CDH23: variants seen among roughly 807,000 people sequenced by gnomAD.
CDH23 encodes cadherin-23.
In CDH23, 189 loss-of-function variants were observed where a neutral mutation model predicts 317.1. The observed-to-expected ratio is 0.60, with a 90% CI of 0.53 to 0.67. The LOEUF (loss-of-function observed/expected upper bound fraction) is 0.67. CDH23 is among the 30% of genes least tolerant of loss of function. CDH23 has a pLI of 0.00. For synonymous variants in CDH23, 1,839 were observed against 1,876.8 expected (o/e 0.98, Z 0.52); for missense variants, 4,401 against 4,592.4 (o/e 0.96, Z 1.20).
At chr10:71,427,250 A>AGAAAGAAAGAAAGAAAGG (rs1564573036) in intron 1 of CDH23, among the ~76,000 whole-genome samples, 41 of 140,312 alleles carry the variant, frequency 2.9e-4, no homozygotes, top group African/African-American at 1.1e-3. Flanking sequence ...AGAAAGGGAA[A>AGAAAGAAAGAAAGAAAGG]GAAAGAAAGA....
intron 3 of CDH23, among the ~76,000 whole-genome samples, chr10:71,507,912 G>C (rs1256076742): frequency 6.6e-6 from 1 of 152,190 alleles, no homozygotes; most frequent in Non-Finnish European, 1.5e-5. Context: ...TGCCTTTGTG[G>C]CTCACCATTG....
At chr10:71,748,094 C>G (rs1839897448) in intron 38 of CDH23, 1 of 152,138 alleles carries the variant, frequency 6.6e-6, no homozygotes, top group East Asian at 1.9e-4. Flanking sequence ...GCCCCCAGCA[C>G]AGTCAGGCCA....
intron 53 of CDH23, among the ~76,000 whole-genome samples, chr10:71,802,590 G>A (rs1179673409): frequency 2.0e-5 from 3 of 152,190 alleles, no homozygotes; most frequent in Non-Finnish European, 4.4e-5. Flanking sequence ...AGTAGGAGGT[G>A]TGAGGGGATA....
chr10:71,810,627 T>TACTCCAGGGCAG, intron 62 of CDH23, 58 bp downstream of exon 62: 1 of 1,503,898 alleles, frequency 6.6e-7, no homozygotes, highest in Non-Finnish European at 9.2e-7. Context: ...CTCCCTGCCC[T>TACTCCAGGGCAG]GGAGTAGGGG....
chr10:71,739,613 G>A (rs1839679488), intron 35 of CDH23, 31 bp from the exon 36 acceptor site: 3 of 1,607,534 alleles, frequency 1.9e-6, no homozygotes, highest in Non-Finnish European at 2.5e-6. Context: ...CTCCACACCT[G>A]CTCACCCCTC....
intron 7 of CDH23, among the ~76,000 whole-genome samples, chr10:71,568,070 T>A (rs1857511964): frequency 6.6e-6 from 1 of 152,156 alleles, no homozygotes; most frequent in African/African-American, 2.4e-5. Context: ...CCCCCAGACT[T>A]GGCCAAGATG....
intron 28 of CDH23, among the ~76,000 whole-genome samples, chr10:71,718,383 C>T (rs372972033): frequency 6.6e-6 from 1 of 152,362 alleles, no homozygotes; most frequent in East Asian, 1.9e-4. Context: ...CCACCCCTCC[C>T]AGCACTTCCA....
At position 71,704,412 on chromosome 10, in the gene CDH23, G is replaced by A. The variant is rs185059956; in HGVS notation, c.2734-499G>A. Among the ~76,000 whole-genome samples, 9 of 152,280 alleles carry A rather than the reference G, an allele frequency of 5.9e-5. No homozygotes were observed. The East Asian group carries it at 1.7e-3, about 29-fold the overall frequency. Reference sequence around the variant, plus strand: ...AGTTTTTTAAAAAAATAATAATAATGAAATCCTCAAGTGACTTTTAAAAAA... The same window carrying A: ...AGTTTTTTAAAAAAATAATAATAATAAAATCCTCAAGTGACTTTTAAAAAA... On this transcript the variant is annotated intron_variant, in intron 24 of 69. Transcript: ENST00000224721.
chr10:71,787,472 C>T (rs1285442869), intron 44 of CDH23, among the ~76,000 whole-genome samples: 2 of 152,118 alleles, frequency 1.3e-5, no homozygotes, highest in African/African-American at 4.8e-5. Context: ...GAACTGTGAA[C>T]TCACTGCCAC....
At chr10:71,473,047 A>G (rs971850185) in intron 3 of CDH23, among the ~76,000 whole-genome samples, 10 of 152,118 alleles carry the variant, frequency 6.6e-5, no homozygotes, top group Non-Finnish European at 1.5e-4. Context: ...GGGAGCAGGG[A>G]CTGGGGTGAA....
intron 9 of CDH23, among the ~76,000 whole-genome samples, chr10:71,599,598 C>T (rs150946212): frequency 8.5e-4 from 129 of 152,134 alleles, no homozygotes; most frequent in African/African-American, 2.7e-3. Flanking sequence ...GTGATGGTAC[C>T]GAGAGCTTCA....
In CDH23 at chr10:71,423,308, GC is replaced by G. The variant is rs1848898496; in HGVS notation, c.-5-16516del. Among the ~76,000 whole-genome samples, 15 of 152,342 alleles carry G rather than the reference GC, an allele frequency of 9.8e-5. 1 individual carries two copies. In the South Asian group the frequency reaches 3.1e-3, roughly 32 times the overall value. On this transcript the variant is annotated intron_variant, in intron 1 of 69. Coordinates refer to ENST00000224721, the MANE Select transcript of CDH23 (RefSeq NM_022124.6). ...AGACTCCAAAGGAGGTGATGGCCAAGCCCTGTTGAAGGAGGAGAAGGAACTT... is the reference window on the plus strand; with the variant it reads ...AGACTCCAAAGGAGGTGATGGCCAAGCCTGTTGAAGGAGGAGAAGGAACTT...
chr10:71,606,151 A>G (rs928500678), intron 9 of CDH23, among the ~76,000 whole-genome samples: 4 of 152,244 alleles, frequency 2.6e-5, no homozygotes, highest in Non-Finnish European at 5.9e-5. Flanking sequence ...CAAATTAATC[A>G]GGGTCCAGTT....
intron 3 of CDH23, among the ~76,000 whole-genome samples, chr10:71,463,200 A>G (rs1174667543): frequency 6.6e-6 from 1 of 152,206 alleles, no homozygotes; most frequent in African/African-American, 2.4e-5. Context: ...CGCGTTCTGA[A>G]ATTAGATCGG....
chr10:71,649,983 C>T (rs1863086160), intron 14 of CDH23, among the ~76,000 whole-genome samples: 1 of 152,206 alleles, frequency 6.6e-6, no homozygotes, highest in African/African-American at 2.4e-5. Context: ...GGCTCTTAAC[C>T]ACGAGGCCAC....
chr10:71,766,746 A>C (rs1465992228), intron 38 of CDH23, among the ~76,000 whole-genome samples: 4 of 152,142 alleles, frequency 2.6e-5, no homozygotes, highest in African/African-American at 9.7e-5. Context: ...CAGAGAAGTG[A>C]CTTGCCCAAG....
chr10:71,575,546 C>T (rs1858128505), intron 8 of CDH23, among the ~76,000 whole-genome samples: 1 of 152,102 alleles, frequency 6.6e-6, no homozygotes, highest in South Asian at 2.1e-4. Context: ...ACAGCGGGGC[C>T]CCTGCAGGCC....
At chr10:71,726,517 G>A (rs757510562) in intron 30 of CDH23, among the ~76,000 whole-genome samples, 2 of 152,194 alleles carry the variant, frequency 1.3e-5, no homozygotes, top group Admixed American at 6.5e-5. Context: ...GAAGAGCTGG[G>A]AAGACACCTG....
In CDH23 at chr10:71,701,057, A is replaced by G. The variant is rs1472697955; in HGVS notation, c.2398-965A>G. Among the ~76,000 whole-genome samples the G allele has an allele frequency of 2.0e-5, 3 of 152,066 alleles. No individual in the cohort carries two copies. The South Asian group carries it at 6.2e-4, about 32-fold the overall frequency. On this transcript the variant is annotated intron_variant, in intron 22 of 69. Coordinates refer to ENST00000224721, the MANE Select transcript of CDH23 (RefSeq NM_022124.6). ...TAGTCACCTCTCTCCCCCCACCACC[A>G]CTGATCTTGTCCACCCCTGGTGCCA...
Sources: allele counts gnomAD v4.1 joint callset (sites outside exome capture counted in the v4.1 genomes callset), GRCh38; gene constraint gnomAD v4.1.1; transcripts MANE v1.5; gene names NCBI Gene and HGNC (gene_info 2026-07-23, HGNC 2026-07-21).